Variants in DGCR2 observed in about 807,000 individuals in gnomAD.
The protein encoded by DGCR2 is DiGeorge syndrome critical region gene 2, also known as integral membrane protein DGCR2/IDD.
In DGCR2, 24 loss-of-function variants were observed where a neutral mutation model predicts 51.6. That is an observed-to-expected ratio of 0.47 (90% confidence interval 0.34 to 0.65). The LOEUF is 0.65. Among genes scored for constraint, DGCR2 ranks in the 30% least tolerant of loss-of-function variants. DGCR2 has a pLI of 0.01. For synonymous variants in DGCR2, 340 were observed against 315.4 expected, an observed-to-expected ratio of 1.08 and a Z score of -0.82; for missense variants, 765 against 772.1, an observed-to-expected ratio of 0.99 and a Z score of 0.11.
At chr22:19,114,558 T>A (rs886607857) in intron 1 of DGCR2, among the ~76,000 whole-genome samples, 1 of 152,232 alleles carries the variant, frequency 6.6e-6, no homozygotes, top group African/African-American at 2.4e-5. Flanking sequence ...GTAGGTAAAC[T>A]AATCTACCTG....
At chr22:19,056,189 C>A (rs563443148) in intron 6 of DGCR2, 44 of 156,610 alleles carry the variant, frequency 2.8e-4, no homozygotes, top group African/African-American at 9.9e-4. Context: ...GTGGCAGGCA[C>A]CTGTAGTCCC....
chr22:19,076,869 T>G (rs577843073), intron 2 of DGCR2, among the ~76,000 whole-genome samples: 146 of 151,360 alleles, frequency 9.6e-4, no homozygotes, highest in African/African-American at 3.4e-3. Flanking sequence ...TAGCTGGAAC[T>G]AAGGCGCCCG....
chr22:19,103,463 C>A (rs1168596767), intron 1 of DGCR2, among the ~76,000 whole-genome samples: 6 of 116,096 alleles, frequency 5.2e-5, no homozygotes, highest in African/African-American at 1.9e-4. Context: ...CGGAGTCTCG[C>A]TCTGTCACCC....
chr22:19,062,779 A>ATTCT, intron 5 of DGCR2, among the ~76,000 whole-genome samples: 2 of 127,352 alleles, frequency 1.6e-5, no homozygotes, highest in Admixed American at 7.8e-5. Flanking sequence ...ATGCATGCTC[A>ATTCT]CTCTCTCTCT....
At chr22:19,104,847 T>G (rs926310178) in intron 1 of DGCR2, among the ~76,000 whole-genome samples, 2 of 152,230 alleles carry the variant, frequency 1.3e-5, no homozygotes, top group Non-Finnish European at 2.9e-5. Context: ...TACAAGTTGC[T>G]ACTAGGAAAG....
chr22:19,104,676 G>C (rs1229723860), intron 1 of DGCR2, among the ~76,000 whole-genome samples: 1 of 152,208 alleles, frequency 6.6e-6, no homozygotes, highest in Admixed American at 6.5e-5. Flanking sequence ...ACCCGGGGTA[G>C]GGGACACCCA....
intron 2 of DGCR2, among the ~76,000 whole-genome samples, chr22:19,078,877 G>T (rs543436187): frequency 3.9e-4 from 59 of 152,308 alleles, no homozygotes; most frequent in African/African-American, 1.3e-3. Flanking sequence ...GTCACAGAAT[G>T]AATTCACTTG....
At chr22:19,085,173 GA>G (rs2083001140) in intron 2 of DGCR2, among the ~76,000 whole-genome samples, 1 of 151,196 alleles carries the variant, frequency 6.6e-6, no homozygotes, top group African/African-American at 2.4e-5. Flanking sequence ...TTTCTAACAC[GA>G]AGGGTTTAAT....
chr22:19,043,741 C>T (rs534722730), intron 7 of DGCR2, among the ~76,000 whole-genome samples: 10 of 152,280 alleles, frequency 6.6e-5, no homozygotes, highest in African/African-American at 2.2e-4. Flanking sequence ...TCACAACCCC[C>T]GTGTGAGTGG....
intron 1 of DGCR2, among the ~76,000 whole-genome samples, chr22:19,107,285 C>G (rs1404076078): frequency 8.5e-5 from 13 of 152,198 alleles, no homozygotes; most frequent in Admixed American, 6.5e-4. Context: ...TCTCCTGCAA[C>G]AGTGGAGAGG....
At chr22:19,084,482 G>A (rs1409439263) in intron 2 of DGCR2, among the ~76,000 whole-genome samples, 3 of 143,388 alleles carry the variant, frequency 2.1e-5, no homozygotes, top group Non-Finnish European at 3.0e-5. Flanking sequence ...CCCTTTGCCC[G>A]GGAGCCGCCC....
intron 1 of DGCR2, among the ~76,000 whole-genome samples, chr22:19,106,376 G>A (rs990359781): frequency 1.3e-5 from 2 of 152,198 alleles, no homozygotes; most frequent in East Asian, 1.9e-4. Context: ...CAGGAACCAT[G>A]GCCAGGGGTT....
chr22:19,096,554 T>C (rs1488454804), intron 1 of DGCR2, among the ~76,000 whole-genome samples: 7 of 151,854 alleles, frequency 4.6e-5, no homozygotes, highest in African/African-American at 1.7e-4. Flanking sequence ...TATCAAAATA[T>C]CATATATACC....
At chr22:19,073,856 T>C (rs1398265927) in intron 2 of DGCR2, among the ~76,000 whole-genome samples, 1 of 152,008 alleles carries the variant, frequency 6.6e-6, no homozygotes, top group Non-Finnish European at 1.5e-5. Flanking sequence ...AGGAAAGATA[T>C]AAAAACCAAA....
intron 5 of DGCR2, chr22:19,061,846 C>G (rs2082666893): frequency 6.6e-6 from 1 of 152,272 alleles, no homozygotes; most frequent in East Asian, 1.9e-4. Context: ...GAGCTCTATG[C>G]CAGCTGCAGC....
rs2082369183 is a variant in DGCR2 at position 19,036,421 on chromosome 22, G to A, written c.*2444C>T. ...AAAACAGGCATCAAGACAATGTACA[G>A]TATCAAATCCCACCTCCGCATGGCA... On this transcript the variant is annotated 3_prime_UTR_variant, in exon 10 of 10. Transcript: ENST00000263196. The A allele has an allele frequency of 2.0e-5, 3 of 152,508 alleles. No individual in the cohort carries two copies. Among genetic ancestry groups the A allele is most frequent in the Admixed American group, 2.0e-4 (3 of 15,282 alleles). 9.4% of individuals were successfully genotyped at this position (152,508 alleles called of 1,614,324 possible). A position where few individuals can be genotyped will look rare whatever the true frequency, so the allele number is the denominator to read the frequency against.
intron 2 of DGCR2, among the ~76,000 whole-genome samples, chr22:19,078,526 C>A (rs2082903918): frequency 6.6e-6 from 1 of 152,156 alleles, no homozygotes; most frequent in African/African-American, 2.4e-5. Flanking sequence ...ACAGGGATAA[C>A]TTTACTTCTC....
intron 1 of DGCR2, among the ~76,000 whole-genome samples, chr22:19,106,410 C>G (rs749241347): frequency 1.3e-5 from 2 of 152,130 alleles, no homozygotes; most frequent in African/African-American, 2.4e-5. Context: ...CCTGCCACTG[C>G]GTCTCAGCAG....
intron 6 of DGCR2, among the ~76,000 whole-genome samples, chr22:19,050,954 C>T (rs888888650): frequency 5.9e-5 from 9 of 151,978 alleles, no homozygotes; most frequent in Admixed American, 5.2e-4. Flanking sequence ...TTTGTGAGGC[C>T]GAGGTAGGTG....
Sources: allele counts gnomAD v4.1 joint callset (sites outside exome capture counted in the v4.1 genomes callset), GRCh38; gene constraint gnomAD v4.1.1; transcripts MANE v1.5; gene names NCBI Gene and HGNC (gene_info 2026-07-23, HGNC 2026-07-21).